CAPS2: variants seen among roughly 807,000 people sequenced by gnomAD.
CAPS2 encodes the protein calcyphosine 2.
A neutral mutation model predicts 86.5 loss-of-function variants in CAPS2; 98 were observed. That is an observed-to-expected ratio of 1.13 (90% CI 0.96 to 1.34). The LOEUF (loss-of-function observed/expected upper bound fraction) is 1.34. Among genes scored for constraint, CAPS2 ranks in the 40% most tolerant of loss-of-function variants. The pLI is 0.00. For synonymous variants in CAPS2, 210 were observed against 225.1 expected (o/e 0.93, Z 0.60); for missense variants, 729 against 686.8 (o/e 1.06, Z -0.69).
At chr12:75,286,732 T>C (rs1015029622) in intron 14 of CAPS2, among the ~76,000 whole-genome samples, 5 of 151,916 alleles carry the variant, frequency 3.3e-5, no homozygotes, top group African/African-American at 1.2e-4. Flanking sequence ...CCTAGGTTAG[T>C]GATTCTTAAG....
At chr12:75,334,437 T>G, upstream of CAPS2, 2 of 1,197,318 alleles carry the variant, frequency 1.7e-6, no homozygotes, top group Non-Finnish European at 2.1e-6. Flanking sequence ...AGACGCGCTC[T>G]GCAGATTACA....
At chr12:75,344,504 A>C (rs976008666) in intron 1 of CAPS2, among the ~76,000 whole-genome samples, 1 of 152,010 alleles carries the variant, frequency 6.6e-6, no homozygotes, top group African/African-American at 2.4e-5. Context: ...TATACCTAAT[A>C]TGTTTTCTCT....
chr12:75,389,786 T>C (rs1351753312), intron 1 of CAPS2, among the ~76,000 whole-genome samples: 1 of 152,160 alleles, frequency 6.6e-6, no homozygotes, highest in Non-Finnish European at 1.5e-5. Context: ...TACCAAGCAA[T>C]AGAATTTTGG....
chr12:75,304,874 G>A, exon 8 of CAPS2: 2 of 1,607,990 alleles, frequency 1.2e-6, no homozygotes, highest in Non-Finnish European at 8.5e-7. Context: ...ACTGATGACA[G>A]CCCTATACAG....
intron 8 of CAPS2, 25 bp from the exon 9 acceptor site, chr12:75,299,936 T>C: frequency 1.9e-6 from 2 of 1,075,006 alleles, no homozygotes; most frequent in African/African-American, 1.6e-5. Flanking sequence ...ATTTTGTCAG[T>C]AATTTTTCAA....
chr12:75,340,397 TA>T (rs1195647912), intron 1 of CAPS2, among the ~76,000 whole-genome samples: 1 of 151,322 alleles, frequency 6.6e-6, no homozygotes, highest in African/African-American at 2.4e-5. Context: ...TTAATGCCTA[TA>T]AGAAAAGAAA....
upstream of CAPS2, chr12:75,329,905 A>G: frequency 2.0e-6 from 3 of 1,527,854 alleles, no homozygotes; most frequent in Non-Finnish European, 2.7e-6. Context: ...GAGGGGCACA[A>G]GAGACAGTCA....
chr12:75,290,289 C>T (rs2035610815), intron 13 of CAPS2, among the ~76,000 whole-genome samples: 2 of 152,158 alleles, frequency 1.3e-5, no homozygotes, highest in Non-Finnish European at 2.9e-5. Context: ...TGAATTCTAT[C>T]CTATACTTAT....
chr12:75,386,556 G>T lies in CAPS2; in HGVS notation c.-395+4282C>A, dbSNP rs145371653. On this transcript the variant is annotated intron_variant, in intron 1 of 5. Transcript: ENST00000551829. The stretch of plus-strand genomic sequence containing the variant: ...ATAATGGCATTAATACAATTCATGA[G>T]GACAGGGCTCTCATGACCCAATCAC... Among the ~76,000 whole-genome samples the T allele has an allele frequency of 8.5e-4, 129 of 152,244 alleles. 1 individual carries two copies. Among genetic ancestry groups the T allele is most frequent in the Admixed American group, 7.7e-3 (118 of 15,304 alleles).
chr12:75,298,355 A>T (rs1042268645), intron 11 of CAPS2: 1 of 237,876 alleles, frequency 4.2e-6, no homozygotes, highest in African/African-American at 2.2e-5. Flanking sequence ...TACTTTGGGT[A>T]ATATTGAGAT....
At chr12:75,308,273 TAGAC>T (rs1410226307) in intron 7 of CAPS2, among the ~76,000 whole-genome samples, 1 of 152,154 alleles carries the variant, frequency 6.6e-6, no homozygotes, top group Non-Finnish European at 1.5e-5. Context: ...TTCATTTACA[TAGAC>T]AAAGTAGACA....
chr12:75,284,199 G>T (rs967758334), intron 15 of CAPS2, among the ~76,000 whole-genome samples: 1 of 152,068 alleles, frequency 6.6e-6, no homozygotes, highest in South Asian at 2.1e-4. Context: ...AATATTATGT[G>T]GTGAATTTGT....
chr12:75,330,806 CG>C (rs1292006461), upstream of CAPS2, among the ~76,000 whole-genome samples: 7 of 148,634 alleles, frequency 4.7e-5, no homozygotes, highest in Admixed American at 4.7e-4. Flanking sequence ...TTTTTTGAGA[CG>C]GAGTTTCCTT....
intron 11 of CAPS2, among the ~76,000 whole-genome samples, chr12:75,294,440 A>G (rs2036533307): frequency 6.6e-6 from 1 of 152,182 alleles, no homozygotes; most frequent in South Asian, 2.1e-4. Context: ...TGACCTAGAT[A>G]AGGCTTTCTC....
chr12:75,340,207 T>C (rs962717224), intron 1 of CAPS2, among the ~76,000 whole-genome samples: 1 of 151,214 alleles, frequency 6.6e-6, no homozygotes, highest in African/African-American at 2.4e-5. Flanking sequence ...TATTGGTTGA[T>C]GGGCATTTAG....
intron 14 of CAPS2, among the ~76,000 whole-genome samples, chr12:75,287,601 CT>C (rs1288723766): frequency 6.6e-6 from 1 of 152,136 alleles, no homozygotes; most frequent in East Asian, 1.9e-4. Flanking sequence ...GTTCAGGGAG[CT>C]TCTGGGTAGC....
intron 12 of CAPS2, among the ~76,000 whole-genome samples, chr12:75,292,803 C>A (rs2036222129): frequency 6.7e-6 from 1 of 149,410 alleles, no homozygotes; most frequent in Non-Finnish European, 1.5e-5. Flanking sequence ...TGTTTGATGT[C>A]TAGAACTAAT....
At chr12:75,289,066 G>C (rs1037184934) in intron 14 of CAPS2, among the ~76,000 whole-genome samples, 9 of 152,090 alleles carry the variant, frequency 5.9e-5, no homozygotes, top group Admixed American at 5.2e-4. Flanking sequence ...TATATGTGAA[G>C]ATTATTAATC....
At chr12:75,287,160 C>T (rs917444366) in intron 14 of CAPS2, among the ~76,000 whole-genome samples, 10 of 151,270 alleles carry the variant, frequency 6.6e-5, no homozygotes, top group African/African-American at 2.2e-4. Flanking sequence ...TTCCCATTGC[C>T]CTTCCTTGTT....
Sources: gnomAD v4.1 joint callset for allele counts (sites outside exome capture counted in the v4.1 genomes callset) on GRCh38, gnomAD v4.1.1 for gene constraint, MANE v1.5 for transcripts, NCBI Gene and HGNC (gene_info 2026-07-23, HGNC 2026-07-21) for gene names.